BTRC: variants seen among roughly 807,000 people sequenced by gnomAD.
BTRC encodes F-box/WD repeat-containing protein 1A.
In BTRC, 42 loss-of-function variants were observed where a neutral mutation model predicts 85.5. The observed-to-expected ratio is 0.49, with a 90% confidence interval of 0.38 to 0.64. The LOEUF (loss-of-function observed/expected upper bound fraction) is 0.64, where lower values mean the gene tolerates loss of function less well. BTRC is among the 30% of genes least tolerant of loss of function. The probability of loss-of-function intolerance (pLI) is 0.00; values close to 1 mark genes in which losing one functional copy is unlikely to be tolerated. For missense variants in BTRC, 594 were observed against 743.5 expected, an observed-to-expected ratio of 0.80 and a Z score of 2.34; for synonymous variants, 255 against 263.3, an observed-to-expected ratio of 0.97 and a Z score of 0.30.
intron 10 of BTRC, 57 bp from the exon 11 acceptor site, chr10:101,535,297 A>T (rs1042375734): frequency 3.7e-6 from 5 of 1,342,222 alleles, no homozygotes; most frequent in Non-Finnish European, 5.3e-6. Flanking sequence ...TCCATTTGCC[A>T]TAGATTTTAC....
chr10:101,435,376 C>G (rs1392365491), intron 2 of BTRC, among the ~76,000 whole-genome samples: 1 of 152,122 alleles, frequency 6.6e-6, no homozygotes, highest in East Asian at 1.9e-4. Context: ...CCCCCATATG[C>G]AATTACTGTT....
chr10:101,546,757 T>C (rs968892927), intron 13 of BTRC, among the ~76,000 whole-genome samples: 12 of 152,264 alleles, frequency 7.9e-5, no homozygotes, highest in African/African-American at 2.6e-4. Context: ...GCTAGTTCTT[T>C]GAAAGGATCA....
chr10:101,509,667 C>T (rs1434860410), intron 4 of BTRC, among the ~76,000 whole-genome samples: 1 of 151,378 alleles, frequency 6.6e-6, no homozygotes, highest in African/African-American at 2.4e-5. Context: ...ATCCTCCCAC[C>T]TCAGCCTCCC....
intron 3 of BTRC, among the ~76,000 whole-genome samples, chr10:101,471,335 G>A (rs1258680328): frequency 6.6e-6 from 1 of 152,114 alleles, no homozygotes; most frequent in African/African-American, 2.4e-5. Context: ...GCTACAGTGA[G>A]TTATGATCAC....
chr10:101,553,844 AAG>A lies in BTRC; in HGVS notation c.*726_*727del, dbSNP rs2062690192. The stretch of plus-strand genomic sequence containing the variant: ...GCTTCACCTGAGAAGAAAGTGTACG[AAG>A]AGAGTGTCCTCCTCTCACATGAGCC... On this transcript the variant is annotated 3_prime_UTR_variant, in exon 15 of 15. Transcript: ENST00000370187. The A allele has an allele frequency of 6.5e-6, 1 of 152,790 alleles. No homozygotes were observed. The highest frequency in any genetic ancestry group is 2.4e-5 in the African/African-American group (1 of 41,564). The allele number at this position is 152,790 out of a possible 1,614,324, so 9.5% of individuals were successfully genotyped here.
chr10:101,542,792 C>T (rs555502784), intron 13 of BTRC, among the ~76,000 whole-genome samples: 3 of 152,250 alleles, frequency 2.0e-5, no homozygotes, highest in African/African-American at 7.2e-5. Flanking sequence ...CCAGGCTGGT[C>T]TGGAACTCCT....
Position 101,538,329 on chromosome 10 carries a change from C to T in BTRC, c.1614C>T (p.Asp538=). 6.8e-6 allele frequency: 11 copies of T among 1,613,974 alleles called. No homozygotes were observed. The highest frequency in any genetic ancestry group is 1.1e-5 in the South Asian group (1 of 91,086). The part of the protein sequence containing the change: ...IKVWDLVAAL[D]PRAPAGTLCL... ...TGTGGGATCTTGTGGCTGCTTTGGA[C>T]CCCCGTGCTCCTGCAGGGACACTCT... is the stretch of plus-strand genomic sequence containing the variant. Residue 538 remains aspartate, a synonymous_variant, in exon 13 of 15, where the codon GAC becomes GAT. Transcript: ENST00000370187.
At chr10:101,510,950 C>T (rs1192957155) in intron 4 of BTRC, among the ~76,000 whole-genome samples, 4 of 152,162 alleles carry the variant, frequency 2.6e-5, no homozygotes, top group Non-Finnish European at 5.9e-5. Flanking sequence ...GATCTTTCTT[C>T]CTCTGCTTTT....
intron 1 of BTRC, chr10:101,364,847 C>T (rs77086462): frequency 7.0e-6 from 1 of 143,384 alleles, no homozygotes; most frequent in African/African-American, 2.6e-5. Flanking sequence ...ATCCCCGGAG[C>T]GAGTGCACCG....
chr10:101,535,280 C>CT (rs1456864372), intron 10 of BTRC, 74 bp from the exon 11 acceptor site: 4 of 1,145,452 alleles, frequency 3.5e-6, no homozygotes, highest in Non-Finnish European at 5.2e-6. Flanking sequence ...TTCTGCTTCT[C>CT]TAAGACTCCA....
chr10:101,406,875 G>A (rs1173359502), intron 1 of BTRC, among the ~76,000 whole-genome samples: 2 of 152,046 alleles, frequency 1.3e-5, no homozygotes, highest in African/African-American at 4.8e-5. Flanking sequence ...GCTTCTTTAA[G>A]CTTTTTACTT....
chr10:101,431,900 A>G (rs769520598), intron 2 of BTRC, among the ~76,000 whole-genome samples: 3 of 152,200 alleles, frequency 2.0e-5, no homozygotes, highest in African/African-American at 4.8e-5. Context: ...GAGATACAAT[A>G]TAGTAAAGCA....
chr10:101,533,250 A>G (rs1387535552), intron 9 of BTRC, among the ~76,000 whole-genome samples, 180 bp downstream of exon 9: 1 of 152,326 alleles, frequency 6.6e-6, no homozygotes. Flanking sequence ...TGCTTGAGGT[A>G]AGTTTACATT....
At chr10:101,552,154 TTTTTATTTTATTTTATTTTATTTCA>T (rs2062660587) in intron 14 of BTRC, among the ~76,000 whole-genome samples, 1 of 151,754 alleles carries the variant, frequency 6.6e-6, no homozygotes. Context: ...TTTCTTATTA[TTTTTATTTTATTTTATTTTATTTCA>T]TTTTATTTTA....
chr10:101,360,587 T>G (rs1448028164), intron 1 of BTRC, among the ~76,000 whole-genome samples: 1 of 151,982 alleles, frequency 6.6e-6, no homozygotes, highest in Non-Finnish European at 1.5e-5. Flanking sequence ...GCCAGGCTAT[T>G]CTTGAACTCC....
At chr10:101,397,732 T>TA (rs1252452592) in intron 1 of BTRC, among the ~76,000 whole-genome samples, 1 of 152,216 alleles carries the variant, frequency 6.6e-6, no homozygotes, top group Non-Finnish European at 1.5e-5. Flanking sequence ...CATACCCTGT[T>TA]ACTGTATCAT....
chr10:101,552,662 G>C (rs1317842942), intron 14 of BTRC, among the ~76,000 whole-genome samples: 1 of 152,198 alleles, frequency 6.6e-6, no homozygotes, highest in South Asian at 2.1e-4. Context: ...AGCTGTCCTT[G>C]AAGATAGCAA....
chr10:101,555,376 G>C lies in BTRC; in HGVS notation c.*2253G>C, dbSNP rs1490337441. 1 of 152,648 alleles carries C rather than the reference G, an allele frequency of 6.6e-6. No individual in the cohort carries two copies. The allele number at this position is 152,648 out of a possible 1,614,324, so 9.5% of individuals were successfully genotyped here. On this transcript the variant is annotated 3_prime_UTR_variant, in exon 15 of 15. Transcript: ENST00000370187. ...TCAGTTGAAGGAATATTGTTTCTAA[G>C]ACTGTTTTGAGACATGTCCAGTACA...
chr10:101,364,187 C>T (rs1040559248), intron 1 of BTRC, among the ~76,000 whole-genome samples: 1 of 152,148 alleles, frequency 6.6e-6, no homozygotes, highest in African/African-American at 2.4e-5. Context: ...TTGACACTCT[C>T]CTGATAGCAC....
Sources: allele counts gnomAD v4.1 joint callset (sites outside exome capture counted in the v4.1 genomes callset), GRCh38; gene constraint gnomAD v4.1.1; transcripts MANE v1.5; gene names NCBI Gene and HGNC (gene_info 2026-07-23, HGNC 2026-07-21).